The following HS3ST6 variants were observed in gnomAD, a reference collection of about 807,000 sequenced individuals.
HS3ST6 encodes the protein heparan sulfate-glucosamine 3-sulfotransferase 6, also known as heparan sulfate glucosamine 3-O-sulfotransferase 6.
Under a neutral mutation model 11.0 loss-of-function variants are expected in HS3ST6, and 13 were observed. That is an observed-to-expected ratio of 1.18 (90% CI 0.77 to 1.88). The LOEUF (loss-of-function observed/expected upper bound fraction) is 1.88. Among genes scored for constraint, HS3ST6 ranks in the 40% most tolerant of loss-of-function variants. HS3ST6 has a pLI of 0.00. For missense variants in HS3ST6, 541 were observed against 494.4 expected (o/e 1.09, Z -0.89); for synonymous variants, 232 against 230.6 (o/e 1.01, Z -0.06).
intron 1 of HS3ST6, among the ~76,000 whole-genome samples, chr16:1,913,479 C>T (rs2150843940): frequency 6.6e-6 from 1 of 152,304 alleles, no homozygotes; most frequent in East Asian, 1.9e-4. Flanking sequence ...CACCTGCCAG[C>T]CAGGTAGTGC....
At position 1,914,718 on chromosome 16, in the gene HS3ST6, C is replaced by T. The variant is rs187477393; in HGVS notation, c.414-2513G>A. On this transcript the variant is annotated intron_variant, in intron 1 of 1. Coordinates refer to ENST00000454677, the MANE Select transcript of HS3ST6 (RefSeq NM_001009606.4). The stretch of plus-strand genomic sequence containing the variant: ...GTAGGGGGATGGGGTTCCCGGACCC[C>T]CTGCCGTGGAAGGGGAGTGGGAACA... 4.4e-3 allele frequency among the ~76,000 whole-genome samples: 671 copies of T among 152,310 alleles called. 6 individuals are homozygous for T. Among genetic ancestry groups the T allele is most frequent in the Non-Finnish European group, 4.1e-3 (278 of 68,026 alleles).
Position 1,912,137 on chromosome 16 carries a change from C to A in HS3ST6, c.482G>T (p.Arg161Leu). 2 of 1,491,562 alleles carry A rather than the reference C, an allele frequency of 1.3e-6. No individual in the cohort carries two copies. Among genetic ancestry groups the A allele is most frequent in the Non-Finnish European group, 8.9e-7 (1 of 1,122,018 alleles). The allele number at this position is 1,491,562 out of a possible 1,614,324, so 92.4% of individuals were successfully genotyped here. Residue 161 changes from arginine (R) to leucine (L), a missense_variant, in exon 2 of 2, where the codon CGA becomes CTA. Physicochemically the swap from Arg to Leu is moderately radical, Grantham distance 102 (BLOSUM62 -2). Transcript: ENST00000454677. The surrounding 1 kb of genome is among the most constrained non-coding windows in gnomAD (Gnocchi z 5.6). ...GGCGTGGATGCGGCGGGGGGCCTCT[C>A]GCGTCACGAAGTAGCTGGGGGTCTT... ...MEKTPSYFVT[R>L]EAPRRIHAMS... is the part of the protein sequence containing the mutation.
upstream of HS3ST6, among the ~76,000 whole-genome samples, chr16:1,920,146 A>G (rs1314966345): frequency 3.5e-5 from 5 of 144,030 alleles, no homozygotes; most frequent in African/African-American, 5.4e-5. Flanking sequence ...AGCCGTCCCC[A>G]GGGTCTCAGG....
intron 1 of HS3ST6, among the ~76,000 whole-genome samples, chr16:1,917,599 G>A (rs931342922): frequency 6.6e-5 from 10 of 152,140 alleles, no homozygotes; most frequent in Admixed American, 2.6e-4. Flanking sequence ...GTAATCCCAC[G>A]GGCTGGAAAC....
upstream of HS3ST6, among the ~76,000 whole-genome samples, chr16:1,919,323 G>C (rs1364067634): frequency 6.6e-6 from 1 of 152,218 alleles, no homozygotes; most frequent in Non-Finnish European, 1.5e-5. Flanking sequence ...GTGAGATTCA[G>C]GGGCCTCTCG....
Position 1,912,424 on chromosome 16 carries a change from G to A in HS3ST6, c.414-219C>T, listed in dbSNP as rs2082897446. ...CAGCCCGGCACCTGCCTGCAGCCCG[G>A]CCTGTTCCGCCGGCCTGCCCCGCCT... On this transcript the variant is annotated intron_variant, in intron 1 of 1. Transcript: ENST00000454677. This position sits in a 1 kb window ranked among gnomAD's most constrained non-coding sequence, Gnocchi z 5.6. 6.6e-6 allele frequency among the ~76,000 whole-genome samples: 1 copy of A among 152,084 alleles called. No individual in the cohort carries two copies. Among genetic ancestry groups the A allele is most frequent in the Admixed American group, 6.5e-5 (1 of 15,284 alleles).
chr16:1,917,941 C>A lies in HS3ST6; in HGVS notation c.383G>T (p.Arg128Met). ...CCAGGCGAGGCCGCGCTCGTAGCAC[C>A]TGTCGAAGAAGTGGGGCTCAGAGCC... ...ALGSEPHFFD[R>M]CYERGLAWYR... The change falls in exon 1 of 2, where the codon AGG becomes ATG. Residue 128 changes from arginine (R) to methionine (M), a missense_variant. Coordinates refer to ENST00000454677, the MANE Select transcript of HS3ST6 (RefSeq NM_001009606.4). The A allele has an allele frequency of 6.6e-7, 1 of 1,506,616 alleles. No homozygotes were observed. Among genetic ancestry groups the A allele is most frequent in the East Asian group, 2.7e-5 (1 of 37,062 alleles). 93.3% of individuals were successfully genotyped at this position (1,506,616 alleles called of 1,614,324 possible).
rs1437166726 is a variant in HS3ST6, at chr16:1,912,639, GGCCC to G, written c.414-438_414-435del. 6.6e-6 allele frequency among the ~76,000 whole-genome samples: 1 copy of G among 151,994 alleles called. No individual in the cohort carries two copies. The highest frequency in any genetic ancestry group is 2.4e-5 in the African/African-American group (1 of 41,358). On this transcript the variant is annotated intron_variant, in intron 1 of 1. Transcript: ENST00000454677. This position sits in a 1 kb window ranked among gnomAD's most constrained non-coding sequence, Gnocchi z 5.6. The stretch of plus-strand genomic sequence containing the variant: ...TCTCATCCCAGACCAAGTACCCCGA[GGCCC>G]GCCCGCCTAGATCACTTGAGGTCAC...
chr16:1,913,084 G>A (rs7203361), intron 1 of HS3ST6, among the ~76,000 whole-genome samples: 32,820 of 152,108 alleles, frequency 0.22, 3,639 homozygotes, highest in South Asian at 0.36. Context: ...GAGCCACTGC[G>A]GCTGGCCTCT....
In HS3ST6 at chr16:1,913,116, C is replaced by A. The variant is rs117438071; in HGVS notation, c.414-911G>T. Among the ~76,000 whole-genome samples, 6 of 152,276 alleles carry A rather than the reference C, an allele frequency of 3.9e-5. No homozygotes were observed. The East Asian group carries it at 1.2e-3, about 29-fold the overall frequency. Reference sequence around the variant, plus strand: ...CTCTCTCCCCGTCTTTAACTGTAGCCCTGTGAATTCTCATCAGCCTGGGCC... The same window carrying A: ...CTCTCTCCCCGTCTTTAACTGTAGCACTGTGAATTCTCATCAGCCTGGGCC... On this transcript the variant is annotated intron_variant, in intron 1 of 1. Transcript: ENST00000454677.
rs181764343 is a variant in HS3ST6, at chr16:1,912,439, C to T, written c.414-234G>A. ...CTGCAGCCCGGCCTGTTCCGCCGGC[C>T]TGCCCCGCCTGCTGCTGCACTGAGG... On this transcript the variant is annotated intron_variant, in intron 1 of 1. Transcript: ENST00000454677. This position sits in a 1 kb window ranked among gnomAD's most constrained non-coding sequence, Gnocchi z 5.6. 6.0e-4 allele frequency among the ~76,000 whole-genome samples: 92 copies of T among 152,288 alleles called. No homozygotes were observed. The highest frequency in any genetic ancestry group is 1.9e-3 in the African/African-American group (81 of 41,568).
intron 1 of HS3ST6, among the ~76,000 whole-genome samples, chr16:1,914,779 G>A (rs1306320854): frequency 6.6e-6 from 1 of 152,156 alleles, no homozygotes; most frequent in Non-Finnish European, 1.5e-5. Flanking sequence ...GCCCCCTCTT[G>A]CACAAACCAG....
chr16:1,911,947 G>T lies in HS3ST6; in HGVS notation c.672C>A (p.Arg224=), dbSNP rs1401544206. 7.0e-6 allele frequency: 11 copies of T among 1,582,026 alleles called. No individual in the cohort carries two copies. Among genetic ancestry groups the T allele is most frequent in the Non-Finnish European group, 8.6e-6 (10 of 1,162,786 alleles). The change falls in exon 2 of 2, where the codon CGC becomes CGA. Residue 224 remains arginine, a synonymous_variant. Coordinates refer to ENST00000454677, the MANE Select transcript of HS3ST6 (RefSeq NM_001009606.4). Reference sequence around the variant, plus strand: ...CCAGGTGCTGGGCGTACAGGCCGATGCGGACGGCGCTCCAGGCTGTGTCCA... The same window carrying T: ...CCAGGTGCTGGGCGTACAGGCCGATTCGGACGGCGCTCCAGGCTGTGTCCA... ...GPVDTAWSAV[R]IGLYAQHLDH...
rs112297404 is a variant in HS3ST6 at position 1,912,272 on chromosome 16, G to A, written c.414-67C>T. On this transcript the variant is annotated intron_variant, in intron 1 of 1. Coordinates refer to ENST00000454677, the MANE Select transcript of HS3ST6 (RefSeq NM_001009606.4). This position sits in a 1 kb window ranked among gnomAD's most constrained non-coding sequence, Gnocchi z 5.6. ...GCCCTAGACCGGCCCCCAGGGGCCC[G>A]GGACCAAGGCCCCCTTATGCCCGGG... 20,415 of 1,265,020 alleles carry A rather than the reference G, an allele frequency of 0.016. 1,375 individuals carry two copies. In the African/African-American group the frequency reaches 0.18, roughly 11 times the overall value. The allele number at this position is 1,265,020 out of a possible 1,614,324, so 78.4% of individuals were successfully genotyped here.
chr16:1,918,887 G>A (rs970026409), upstream of HS3ST6, among the ~76,000 whole-genome samples: 6 of 152,212 alleles, frequency 3.9e-5, no homozygotes, highest in Non-Finnish European at 5.9e-5. The surrounding 1 kb of genome is among the most constrained non-coding windows in gnomAD (Gnocchi z 6.0). Context: ...TGCCAAGGGA[G>A]AAAGAGGCCG....
At chr16:1,918,723 G>A (rs942280339), upstream of HS3ST6, among the ~76,000 whole-genome samples, 7 of 152,132 alleles carry the variant, frequency 4.6e-5, no homozygotes, top group Non-Finnish European at 1.0e-4. This position sits in a 1 kb window ranked among gnomAD's most constrained non-coding sequence, Gnocchi z 6.0. Flanking sequence ...CGCGGGCCTC[G>A]GGACCCTCTG....
At chr16:1,918,529 T>C (rs1343097301), upstream of HS3ST6, 2 of 128,706 alleles carry the variant, frequency 1.6e-5, no homozygotes, top group Admixed American at 7.8e-5. The surrounding 1 kb of genome is among the most constrained non-coding windows in gnomAD (Gnocchi z 6.0). Context: ...CCGAGGCCAC[T>C]GCCTGGGCTG....
chr16:1,918,808 C>T (rs1410488033), upstream of HS3ST6, among the ~76,000 whole-genome samples: 1 of 152,174 alleles, frequency 6.6e-6, no homozygotes, highest in Non-Finnish European at 1.5e-5. This position sits in a 1 kb window ranked among gnomAD's most constrained non-coding sequence, Gnocchi z 6.0. Flanking sequence ...AAGCCTTGGC[C>T]TGCAGGAGCG....
chr16:1,915,940 C>A (rs2082922930), intron 1 of HS3ST6, among the ~76,000 whole-genome samples: 2 of 152,228 alleles, frequency 1.3e-5, no homozygotes, highest in South Asian at 4.1e-4. Context: ...GGAGACTCAA[C>A]TGGGGGCCCT....
Sources: allele counts gnomAD v4.1 joint callset (sites outside exome capture counted in the v4.1 genomes callset), GRCh38; gene constraint gnomAD v4.1.1; non-coding constraint Gnocchi (gnomAD v3.1); transcripts MANE v1.5; gene names NCBI Gene and HGNC (gene_info 2026-07-23, HGNC 2026-07-21).